ZNF250: variants seen among roughly 807,000 people sequenced by gnomAD.
The protein encoded by ZNF250 is zinc finger protein (clone 647).
ZNF250 carries 13 observed loss-of-function variants against 37.1 expected under a neutral mutation model. The observed-to-expected ratio is 0.35, with a 90% CI of 0.23 to 0.56. The LOEUF is 0.56. Ranked by LOEUF, ZNF250 falls within the 20% of genes least tolerant of loss-of-function variation. The pLI is 0.87. For missense variants in ZNF250, 474 were observed against 697.9 expected (o/e 0.68, Z 3.61); for synonymous variants, 251 against 265.6 (o/e 0.94, Z 0.54).
At chr8:144,888,761 T>C (rs1466187345) in intron 4 of ZNF250, among the ~76,000 whole-genome samples, 1 of 152,112 alleles carries the variant, frequency 6.6e-6, no homozygotes, top group Non-Finnish European at 1.5e-5. Context: ...ATTTTTATTT[T>C]TTTGAGACAG....
At chr8:144,889,527 T>C in intron 4 of ZNF250, 54 bp downstream of exon 4, 2 of 1,425,652 alleles carry the variant, frequency 1.4e-6, no homozygotes, top group South Asian at 2.4e-5. Context: ...TCCACAGCTT[T>C]GCTCAGGACC....
rs1394973502 is a variant in ZNF250 at position 144,890,230 on chromosome 8, C to T, written c.42+78G>A. ...GGCATGTGGTGACGCTCTGGCTGCT[C>T]TTAGGAGCTCTACGGGGCACGGAAG... On this transcript the variant is annotated intron_variant, in intron 2 of 5. Coordinates refer to ENST00000417550, the MANE Select transcript of ZNF250 (RefSeq NM_001109689.4). This position sits in a 1 kb window ranked among gnomAD's most constrained non-coding sequence, Gnocchi z 5.1. 1 of 1,511,420 alleles carries T rather than the reference C, an allele frequency of 6.6e-7. No individual in the cohort carries two copies. Among genetic ancestry groups the T allele is most frequent in the South Asian group, 1.2e-5 (1 of 83,318 alleles). The allele number at this position is 1,511,420 out of a possible 1,614,324, so 93.6% of individuals were successfully genotyped here.
intron 1 of ZNF250, among the ~76,000 whole-genome samples, chr8:144,898,387 C>T (rs190234652): frequency 8.5e-5 from 13 of 152,196 alleles, no homozygotes; most frequent in Admixed American, 2.0e-4. Flanking sequence ...TCTTATATAC[C>T]AGTAACACCT....
chr8:144,899,839 G>A (rs1223592859), intron 1 of ZNF250, among the ~76,000 whole-genome samples: 1 of 152,094 alleles, frequency 6.6e-6, no homozygotes, highest in Non-Finnish European at 1.5e-5. Flanking sequence ...AATTCCAGAC[G>A]TATCCAACAT....
In ZNF250 at chr8:144,881,902, G is replaced by A. The variant is rs1450467717; in HGVS notation, c.1281C>T (p.Phe427=). ...PYACYECGKA[F]VQHSHLIQHQ... Reference sequence around the variant, plus strand: ...GCTGGATCAGGTGTGAGTGCTGAACGAAGGCCTTCCCACATTCGTAGCATG... The same window carrying A: ...GCTGGATCAGGTGTGAGTGCTGAACAAAGGCCTTCCCACATTCGTAGCATG... Residue 427 remains phenylalanine, a synonymous_variant, in exon 6 of 6, where the codon TTC becomes TTT. Coordinates refer to ENST00000417550, the MANE Select transcript of ZNF250 (RefSeq NM_001109689.4). 8.7e-6 allele frequency: 14 copies of A among 1,614,082 alleles called. No individual in the cohort carries two copies. The South Asian group carries it at 9.9e-5, about 11-fold the overall frequency.
In ZNF250 at chr8:144,880,931, T is replaced by C. The variant is rs1483210421; in HGVS notation, c.*584A>G. Reference sequence around the variant, plus strand: ...CTCACTAATATATAAGCTTTTTCCTTGTTTCATACAAAACAGGACTCCACA... The same window carrying C: ...CTCACTAATATATAAGCTTTTTCCTCGTTTCATACAAAACAGGACTCCACA... On this transcript the variant is annotated 3_prime_UTR_variant, in exon 6 of 6. Transcript: ENST00000417550. 6.2e-6 allele frequency: 1 copy of C among 161,688 alleles called. No homozygotes were observed. Among genetic ancestry groups the C allele is most frequent in the Non-Finnish European group, 1.4e-5 (1 of 72,878 alleles). The allele number at this position is 161,688 out of a possible 1,614,324, so 10.0% of individuals were successfully genotyped here. A position where few individuals can be genotyped will look rare whatever the true frequency, so the allele number is the denominator to read the frequency against.
chr8:144,899,376 G>A (rs1832953495), intron 1 of ZNF250, among the ~76,000 whole-genome samples: 1 of 152,130 alleles, frequency 6.6e-6, no homozygotes, highest in Non-Finnish European at 1.5e-5. Flanking sequence ...ACAACCAGAA[G>A]AAGAGATGTG....
chr8:144,879,874 T>A lies in ZNF250; in HGVS notation c.*1641A>T, dbSNP rs1321109205. 1 of 152,416 alleles carries A rather than the reference T, an allele frequency of 6.6e-6. No individual in the cohort carries two copies. Among genetic ancestry groups the A allele is most frequent in the East Asian group, 1.9e-4 (1 of 5,196 alleles). The allele number at this position is 152,416 out of a possible 1,614,324, so 9.4% of individuals were successfully genotyped here. ...TGAGGTCAGGAGTTTGAGACCAGCC[T>A]GGCCAACATGGTGAAACCTCATCTC... On this transcript the variant is annotated 3_prime_UTR_variant, in exon 6 of 6. Transcript: ENST00000417550.
In ZNF250 at chr8:144,891,335, C is replaced by A. The variant is rs1310662889; in HGVS notation, c.-54-932G>T. ...ACATGCTTGGCTCAGATGGGCACCA[C>A]AACAAACAGGGTGCTTTAAGAGTGA... On this transcript the variant is annotated intron_variant, in intron 1 of 5. Coordinates refer to ENST00000417550, the MANE Select transcript of ZNF250 (RefSeq NM_001109689.4). This position sits in a 1 kb window ranked among gnomAD's most constrained non-coding sequence, Gnocchi z 4.0. Among the ~76,000 whole-genome samples the A allele has an allele frequency of 1.3e-5, 2 of 152,140 alleles. No individual in the cohort carries two copies. The highest frequency in any genetic ancestry group is 1.3e-4 in the Admixed American group (2 of 15,268).
At chr8:144,888,742 CTTATTT>C (rs201514561) in intron 4 of ZNF250, among the ~76,000 whole-genome samples, 6 of 151,368 alleles carry the variant, frequency 4.0e-5, no homozygotes, top group Admixed American at 1.3e-4. Flanking sequence ...TTGGTTTTGC[CTTATTT>C]TTATTTTTAT....
rs1242542451 is a variant in ZNF250 at position 144,897,142 on chromosome 8, C to T, written c.-55+4257G>A. On this transcript the variant is annotated intron_variant, in intron 1 of 5. Coordinates refer to ENST00000417550, the MANE Select transcript of ZNF250 (RefSeq NM_001109689.4). The surrounding 1 kb of genome is among the most constrained non-coding windows in gnomAD (Gnocchi z 5.2). ...GCAGTGTGCCTGTCATTCCAGAGGACCCTGCACATGGTCACACACTGGGAC... is the reference window on the plus strand; with the variant it reads ...GCAGTGTGCCTGTCATTCCAGAGGATCCTGCACATGGTCACACACTGGGAC... Among the ~76,000 whole-genome samples, 1 of 152,200 alleles carries T rather than the reference C, an allele frequency of 6.6e-6. No homozygotes were observed. The highest frequency in any genetic ancestry group is 2.4e-5 in the African/African-American group (1 of 41,448).
chr8:144,901,991 T>G (rs1833135035), upstream of ZNF250: 1 of 152,486 alleles, frequency 6.6e-6, no homozygotes, highest in Non-Finnish European at 1.5e-5. This position sits in a 1 kb window ranked among gnomAD's most constrained non-coding sequence, Gnocchi z 5.4. Flanking sequence ...CCCTTTCTCT[T>G]CCTTCGTTGC....
chr8:144,894,934 G>A (rs1442992303), intron 1 of ZNF250, among the ~76,000 whole-genome samples: 1 of 152,038 alleles, frequency 6.6e-6, no homozygotes, highest in Non-Finnish European at 1.5e-5. Flanking sequence ...AAAGTGTCAA[G>A]ATTACAGGCC....
upstream of ZNF250, chr8:144,901,960 CG>C (rs1234259447): frequency 1.3e-5 from 2 of 152,486 alleles, no homozygotes; most frequent in Admixed American, 6.5e-5. The surrounding 1 kb of genome is among the most constrained non-coding windows in gnomAD (Gnocchi z 5.4). Context: ...CGCTGCAGTG[CG>C]AATGTCGCCT....
At chr8:144,889,497 G>A (rs2129783475) in intron 4 of ZNF250, 84 bp downstream of exon 4, 1 of 1,104,500 alleles carries the variant, frequency 9.1e-7, no homozygotes, top group East Asian at 2.4e-5. Flanking sequence ...ACTCCAGTGA[G>A]CGGCACAGTA....
rs1831180784 is a variant in ZNF250, at chr8:144,877,188, T to C, written c.*4327A>G. On this transcript the variant is annotated 3_prime_UTR_variant, in exon 6 of 6. Coordinates refer to ENST00000417550, the MANE Select transcript of ZNF250 (RefSeq NM_001109689.4). ...CAGCACACTAGTCTTGAACTCCCAA[T>C]CAATCCTCCCACCTTAGCCTCCCAC... 1 of 152,280 alleles carries C rather than the reference T, an allele frequency of 6.6e-6. No homozygotes were observed. The highest frequency in any genetic ancestry group is 2.1e-4 in the South Asian group (1 of 4,828). 9.4% of individuals were successfully genotyped at this position (152,280 alleles called of 1,614,324 possible).
Position 144,890,457 on chromosome 8 carries a change from T to C in ZNF250, c.-54-54A>G. The C allele has an allele frequency of 8.7e-7, 1 of 1,148,490 alleles. No homozygotes were observed. The highest frequency in any genetic ancestry group is 1.2e-6 in the Non-Finnish European group (1 of 853,246). 71.1% of individuals were successfully genotyped at this position (1,148,490 alleles called of 1,614,324 possible). A position where few individuals can be genotyped will look rare whatever the true frequency, so the allele number is the denominator to read the frequency against. On this transcript the variant is annotated intron_variant, in intron 1 of 5. Transcript: ENST00000417550. This position sits in a 1 kb window ranked among gnomAD's most constrained non-coding sequence, Gnocchi z 5.1. ...GCATGGCCTTGAGACCGTAACTTCC[T>C]AGGGGGCCCTCAGGGGATCCCTGGG... is the stretch of plus-strand genomic sequence containing the variant.
At chr8:144,894,818 G>C (rs1012102521) in intron 1 of ZNF250, among the ~76,000 whole-genome samples, 8 of 122,246 alleles carry the variant, frequency 6.5e-5, no homozygotes, top group Non-Finnish European at 6.9e-5. Flanking sequence ...CACCATGCCT[G>C]GATAATTTCT....
chr8:144,892,560 GTT>G (rs1314598331), intron 1 of ZNF250, among the ~76,000 whole-genome samples: 2 of 146,268 alleles, frequency 1.4e-5, no homozygotes, highest in Admixed American at 6.8e-5. Context: ...TTTTTTGTTT[GTT>G]TTTTTTTTTG....
Sources: gnomAD v4.1 joint callset for allele counts (sites outside exome capture counted in the v4.1 genomes callset) on GRCh38, gnomAD v4.1.1 for gene constraint, Gnocchi (gnomAD v3.1) non-coding constraint, MANE v1.5 for transcripts, NCBI Gene and HGNC (gene_info 2026-07-23, HGNC 2026-07-21) for gene names.